DOP1B: variants seen among roughly 807,000 people sequenced by gnomAD.
DOP1B encodes the protein DOP1 leucine zipper like protein B, also known as protein DOP1B.
A neutral mutation model predicts 233.5 loss-of-function variants in DOP1B; 174 were observed. The observed-to-expected ratio is 0.75, with a 90% CI of 0.66 to 0.85. The LOEUF (loss-of-function observed/expected upper bound fraction) is 0.85. Ranked by LOEUF, DOP1B falls within the 40% of genes least tolerant of loss-of-function variation. DOP1B has a pLI of 0.00. For missense variants in DOP1B, 2,652 were observed against 2,846.6 expected, an observed-to-expected ratio of 0.93 and a Z score of 1.56; for synonymous variants, 1,190 against 1,185.6, an observed-to-expected ratio of 1.00 and a Z score of -0.08.
chr21:36,219,709 T>C (rs2066603508), intron 10 of DOP1B, among the ~76,000 whole-genome samples: 1 of 152,074 alleles, frequency 6.6e-6, no homozygotes, highest in East Asian at 1.9e-4. Flanking sequence ...GAGTTTGATA[T>C]AGTCTTTCCC....
At chr21:36,171,968 G>A (rs2065975058) in intron 2 of DOP1B, among the ~76,000 whole-genome samples, 1 of 152,172 alleles carries the variant, frequency 6.6e-6, no homozygotes, top group South Asian at 2.1e-4. Context: ...AATAAACTGG[G>A]GAAGTGGGGT....
intron 2 of DOP1B, among the ~76,000 whole-genome samples, chr21:36,176,520 C>G (rs1450731873): frequency 6.6e-6 from 1 of 152,146 alleles, no homozygotes; most frequent in African/African-American, 2.4e-5. Context: ...TAGCCATTTT[C>G]TAGCAACCTT....
Position 36,247,555 on chromosome 21 carries a change from C to T in DOP1B, c.4736C>T (p.Pro1579Leu). 6.2e-7 allele frequency: 1 copy of T among 1,610,222 alleles called. No homozygotes were observed. The highest frequency in any genetic ancestry group is 8.5e-7 in the Non-Finnish European group (1 of 1,178,838). The change falls in exon 20 of 37, where the codon CCA becomes CTA. Residue 1579 changes from proline (P) to leucine (L), a missense_variant. Pro to Leu is a moderately conservative substitution (Grantham distance 98, BLOSUM62 -3). Transcript: ENST00000691173. ...AGGGAAAACATTTCTCCAGATTATC[C>T]ACTCACCCTTCTAGAAGGTCTAACG... ...SKRENISPDYPLTLLEGLTTI... is the reference protein window; with the variant it reads ...SKRENISPDYLLTLLEGLTTI...
At chr21:36,199,384 AC>A in intron 3 of DOP1B, 133 bp downstream of exon 3, 1 of 1,150,912 alleles carries the variant, frequency 8.7e-7, no homozygotes, top group Non-Finnish European at 1.2e-6. Flanking sequence ...TAAAGCCATC[AC>A]CAGGAGACGT....
At chr21:36,180,626 A>T (rs1023091251) in intron 2 of DOP1B, among the ~76,000 whole-genome samples, 4 of 152,000 alleles carry the variant, frequency 2.6e-5, no homozygotes, top group African/African-American at 9.7e-5. Flanking sequence ...CATGCCTGTA[A>T]TCCCAGCATA....
intron 11 of DOP1B, 27 bp downstream of exon 11, chr21:36,223,377 A>G: frequency 6.3e-7 from 1 of 1,597,408 alleles, no homozygotes; most frequent in Non-Finnish European, 8.5e-7. Context: ...AGAATGCAGA[A>G]TATTTAGGAA....
At chr21:36,231,218 T>A in intron 14 of DOP1B, 84 bp downstream of exon 14, 1 of 1,458,786 alleles carries the variant, frequency 6.9e-7, no homozygotes, top group Non-Finnish European at 9.2e-7. Context: ...CTATCCACAA[T>A]GCTAGGGACC....
At chr21:36,261,983 C>T (rs1201974622) in intron 24 of DOP1B, 3 of 983,950 alleles carry the variant, frequency 3.0e-6, no homozygotes, top group African/African-American at 1.7e-5. Context: ...CCTACATAGC[C>T]ATCAGGAGTC....
At chr21:36,216,966 T>A (rs1025259695) in intron 9 of DOP1B, among the ~76,000 whole-genome samples, 2 of 151,660 alleles carry the variant, frequency 1.3e-5, no homozygotes, top group African/African-American at 4.9e-5. Context: ...TCCCAACTAC[T>A]TGGGAGGCTG....
intron 2 of DOP1B, among the ~76,000 whole-genome samples, chr21:36,193,370 G>A (rs2066255423): frequency 6.6e-6 from 1 of 152,166 alleles, no homozygotes; most frequent in Non-Finnish European, 1.5e-5. Flanking sequence ...AATACCCCGG[G>A]GGGAATTTAG....
chr21:36,253,651 A>G lies in DOP1B; in HGVS notation c.5122-121A>G, dbSNP rs182400020. ...AGACCGTGTTTCAAAAAAAAAAAAA[A>G]AGAGATGAAAACAGATTGATTTCTC... On this transcript the variant is annotated intron_variant, in intron 22 of 36. Coordinates refer to ENST00000691173, the MANE Select transcript of DOP1B (RefSeq NM_001320714.2). 5.0e-3 allele frequency: 5,985 copies of G among 1,186,596 alleles called. 20 individuals carry two copies. Among genetic ancestry groups the G allele is most frequent in the Middle Eastern group, 6.5e-3 (28 of 4,278 alleles). 73.5% of individuals were successfully genotyped at this position (1,186,596 alleles called of 1,614,324 possible).
At chr21:36,189,152 T>C (rs1306012233) in intron 2 of DOP1B, among the ~76,000 whole-genome samples, 4 of 152,346 alleles carry the variant, frequency 2.6e-5, no homozygotes, top group Middle Eastern at 3.4e-3. Flanking sequence ...GAAACAAAGA[T>C]ATTTTCTTGG....
intron 1 of DOP1B, among the ~76,000 whole-genome samples, chr21:36,159,392 G>A (rs2065850092): frequency 6.6e-6 from 1 of 152,060 alleles, no homozygotes; most frequent in East Asian, 1.9e-4. Context: ...CGGAGGTTGT[G>A]GTGAGTTGAG....
rs760926570 is a variant in DOP1B at position 36,224,491 on chromosome 21, T to TA, written c.1371-1061dup. ...CGCCGCATCTGGCCATCCTGGTTATTAAAAAAAAAAAAAGAATAAAATGTT... is the reference window on the plus strand; with the variant it reads ...CGCCGCATCTGGCCATCCTGGTTATTAAAAAAAAAAAAAAGAATAAAATGTT... On this transcript the variant is annotated intron_variant, in intron 11 of 36. Coordinates refer to ENST00000691173, the MANE Select transcript of DOP1B (RefSeq NM_001320714.2). Among the ~76,000 whole-genome samples, 360 of 143,338 alleles carry TA rather than the reference T, an allele frequency of 2.5e-3. 2 individuals are homozygous for TA. The highest frequency in any genetic ancestry group is 0.014 in the East Asian group (71 of 4,960). 94.0% of individuals were successfully genotyped at this position (143,338 alleles called of 152,430 possible). A position where few individuals can be genotyped will look rare whatever the true frequency, so the allele number is the denominator to read the frequency against.
intron 15 of DOP1B, among the ~76,000 whole-genome samples, chr21:36,233,699 T>G (rs2066793442): frequency 6.6e-6 from 1 of 152,190 alleles, no homozygotes; most frequent in South Asian, 2.1e-4. Flanking sequence ...GGTTGGTTGT[T>G]GTTGGTTTTA....
chr21:36,217,755 A>T (rs191834864), intron 9 of DOP1B, among the ~76,000 whole-genome samples: 254 of 152,352 alleles, frequency 1.7e-3, no homozygotes, highest in Middle Eastern at 6.8e-3. Context: ...CTGCTAGTGT[A>T]GAGTAACTGC....
Position 36,214,462 on chromosome 21 carries a change from T to C in DOP1B, c.1035T>C (p.His345=), listed in dbSNP as rs1196226122. 2 of 1,613,316 alleles carry C rather than the reference T, an allele frequency of 1.2e-6. No individual in the cohort carries two copies. The highest frequency in any genetic ancestry group is 2.2e-5 in the South Asian group (2 of 90,924). The change falls in exon 9 of 37, where the codon CAT becomes CAC. Residue 345 remains histidine (H), a synonymous_variant. Coordinates refer to ENST00000691173, the MANE Select transcript of DOP1B (RefSeq NM_001320714.2). ...AATAGGGTTTGGCTGAGATATTGCA[T>C]CAGAAGTTCATAGATGCTGACGTGG... ...LLVEGLAEIL[H]QKFIDADVEE... is the part of the protein sequence containing the mutation.
intron 24 of DOP1B, among the ~76,000 whole-genome samples, chr21:36,262,920 T>TAAAATAAAATA (rs148362831): frequency 6.9e-6 from 1 of 144,130 alleles, no homozygotes; most frequent in South Asian, 2.2e-4. Flanking sequence ...AATAAATAAA[T>TAAAATAAAATA]AAATAAAATA....
At chr21:36,228,849 T>C (rs2066725186) in intron 13 of DOP1B, among the ~76,000 whole-genome samples, 3 of 152,118 alleles carry the variant, frequency 2.0e-5, no homozygotes, top group Admixed American at 2.0e-4. Flanking sequence ...TGTTCACCTG[T>C]AGTTCCATCT....
Sources: allele counts gnomAD v4.1 joint callset (sites outside exome capture counted in the v4.1 genomes callset), GRCh38; gene constraint gnomAD v4.1.1; transcripts MANE v1.5; gene names NCBI Gene and HGNC (gene_info 2026-07-23, HGNC 2026-07-21).